Variants in RAB3B observed in about 807,000 individuals in gnomAD.
RAB3B encodes RAB3B, member RAS oncogene family.
Under a neutral mutation model 20.5 loss-of-function variants are expected in RAB3B, and 11 were observed. The ratio of observed to expected loss-of-function variants is 0.54; its 90% CI spans 0.34 to 0.89. RAB3B has a LOEUF of 0.89. Ranked by LOEUF, RAB3B falls within the 40% of genes least tolerant of loss-of-function variation. The pLI is 0.02. For synonymous variants in RAB3B, 99 were observed against 106.3 expected (o/e 0.93, Z 0.42); for missense variants, 225 against 280.9 (o/e 0.80, Z 1.42).
intron 4 of RAB3B, among the ~76,000 whole-genome samples, chr1:51,929,376 G>A (rs1269566310): frequency 6.6e-6 from 1 of 151,924 alleles, no homozygotes; most frequent in African/African-American, 2.4e-5. Flanking sequence ...CACCCAGGCT[G>A]GAGTGCAGTG....
chr1:51,929,412 C>A (rs1396977132), intron 4 of RAB3B, among the ~76,000 whole-genome samples: 4 of 152,134 alleles, frequency 2.6e-5, no homozygotes, highest in African/African-American at 9.7e-5. Flanking sequence ...ACTGTAACCT[C>A]TGCCTCTTGG....
At chr1:51,929,196 C>T (rs1412434624) in intron 4 of RAB3B, among the ~76,000 whole-genome samples, 1 of 152,164 alleles carries the variant, frequency 6.6e-6, no homozygotes, top group African/African-American at 2.4e-5. Context: ...CTGCCATCAT[C>T]CCTCTAACTC....
intron 2 of RAB3B, among the ~76,000 whole-genome samples, chr1:51,954,223 A>G (rs2795006): frequency 0.9 from 137,223 of 152,290 alleles, 62,490 homozygotes; most frequent in East Asian, 1. Context: ...GATATGGTTC[A>G]TCTTTTGTAT....
intron 2 of RAB3B, among the ~76,000 whole-genome samples, chr1:51,940,194 T>C (rs1684471769): frequency 2.0e-5 from 3 of 152,182 alleles, no homozygotes; most frequent in South Asian, 4.1e-4. Context: ...CTTAGTGTGA[T>C]AATAACATAG....
Position 51,919,976 on chromosome 1 carries a change from G to C in RAB3B, c.611C>G (p.Thr204Arg). 1 of 1,614,086 alleles carries C rather than the reference G, an allele frequency of 6.2e-7. No individual in the cohort carries two copies. The highest frequency in any genetic ancestry group is 1.1e-5 in the South Asian group (1 of 91,062). ...DPSMLGSSKN[T>R]RLSDTPPLLQ... Reference sequence around the variant, plus strand: ...CAGCGGTGGGGTGTCCGAGAGACGCGTGTTCTTGGAGGAGCCCAGCATCGA... The same window carrying C: ...CAGCGGTGGGGTGTCCGAGAGACGCCTGTTCTTGGAGGAGCCCAGCATCGA... Residue 204 changes from threonine to arginine, a missense_variant, in exon 5 of 5, where the codon ACG (threonine) becomes AGG (arginine). Transcript: ENST00000371655.
intron 2 of RAB3B, among the ~76,000 whole-genome samples, chr1:51,959,221 T>C (rs1243517897): frequency 6.6e-6 from 1 of 151,918 alleles, no homozygotes; most frequent in African/African-American, 2.4e-5. Context: ...AGTTTGCTGA[T>C]AGAAAATGGG....
chr1:51,927,849 C>T (rs1448056643), intron 4 of RAB3B, among the ~76,000 whole-genome samples: 1 of 152,098 alleles, frequency 6.6e-6, no homozygotes, highest in Non-Finnish European at 1.5e-5. Context: ...TCTCTCCTTC[C>T]TTTGTAGGCA....
In RAB3B at chr1:51,960,980, C is replaced by T. The variant is rs149897423; in HGVS notation, c.228+15910G>A. 5.9e-3 allele frequency among the ~76,000 whole-genome samples: 902 copies of T among 152,312 alleles called. 1 individual carries two copies. Among genetic ancestry groups the T allele is most frequent in the Non-Finnish European group, 9.6e-3 (651 of 68,020 alleles). On this transcript the variant is annotated intron_variant, in intron 2 of 4. Coordinates refer to ENST00000371655, the MANE Select transcript of RAB3B (RefSeq NM_002867.4). ...CCTATATGATCTCATTCAATCTTTA[C>T]TACAACACTAAGAAGTAGGCATTAA...
chr1:51,940,639 G>C (rs1407220454), intron 2 of RAB3B, among the ~76,000 whole-genome samples: 1 of 151,778 alleles, frequency 6.6e-6, no homozygotes, highest in Non-Finnish European at 1.5e-5. Context: ...AAAAAAAAGA[G>C]TCACACAAGT....
intron 2 of RAB3B, among the ~76,000 whole-genome samples, chr1:51,944,351 T>C (rs1365964428): frequency 6.6e-6 from 1 of 152,194 alleles, no homozygotes; most frequent in Non-Finnish European, 1.5e-5. Flanking sequence ...ACCCAAGATA[T>C]CTGATGGAGA....
intron 2 of RAB3B, among the ~76,000 whole-genome samples, chr1:51,950,794 C>A (rs1334915585): frequency 1.3e-5 from 2 of 152,172 alleles, no homozygotes; most frequent in Non-Finnish European, 2.9e-5. Flanking sequence ...GTAATGAGAA[C>A]TTTCAAGCTA....
chr1:51,930,814 G>A (rs190826543), intron 4 of RAB3B, among the ~76,000 whole-genome samples: 36 of 152,088 alleles, frequency 2.4e-4, no homozygotes, highest in Non-Finnish European at 3.5e-4. Context: ...TCAGGAGTTC[G>A]AGACCAGCCT....
intron 2 of RAB3B, among the ~76,000 whole-genome samples, chr1:51,941,536 G>A (rs1054621388): frequency 2.6e-5 from 4 of 152,186 alleles, no homozygotes; most frequent in Admixed American, 6.5e-5. Context: ...AGGTATTTAA[G>A]AGGTAAAATT....
At chr1:51,947,810 A>G (rs1684585405) in intron 2 of RAB3B, among the ~76,000 whole-genome samples, 1 of 152,132 alleles carries the variant, frequency 6.6e-6, no homozygotes, top group Non-Finnish European at 1.5e-5. Flanking sequence ...AAACCTTAGA[A>G]GTCATTCAAT....
chr1:51,913,240 T>C lies in RAB3B; in HGVS notation c.*6687A>G, dbSNP rs1026308834. The C allele has an allele frequency of 1.3e-5, 2 of 152,176 alleles. No homozygotes were observed. Among genetic ancestry groups the C allele is most frequent in the African/African-American group, 4.8e-5 (2 of 41,446 alleles). The allele number at this position is 152,176 out of a possible 1,614,324, so 9.4% of individuals were successfully genotyped here. On this transcript the variant is annotated 3_prime_UTR_variant, in exon 5 of 5. Coordinates refer to ENST00000371655, the MANE Select transcript of RAB3B (RefSeq NM_002867.4). ...CAAAACTTCTTCATCTCGAGTGTCTTGATTCCTCCAAAGTAAATCCTTTGG... is the reference window on the plus strand; with the variant it reads ...CAAAACTTCTTCATCTCGAGTGTCTCGATTCCTCCAAAGTAAATCCTTTGG...
chr1:51,990,395 A>C (rs1571985446), intron 1 of RAB3B, among the ~76,000 whole-genome samples, 157 bp downstream of exon 1: 4 of 112,788 alleles, frequency 3.5e-5, no homozygotes, highest in African/African-American at 6.9e-5. Context: ...GGTGAGCCCC[A>C]CCTCTGCCGC....
chr1:51,923,241 G>A (rs566116963), intron 4 of RAB3B, among the ~76,000 whole-genome samples: 2 of 152,288 alleles, frequency 1.3e-5, no homozygotes, highest in South Asian at 2.1e-4. Context: ...GATGGGCCAG[G>A]GGTCTATCCC....
At chr1:51,985,097 CACA>C (rs1399387698) in intron 1 of RAB3B, among the ~76,000 whole-genome samples, 1 of 152,226 alleles carries the variant, frequency 6.6e-6, no homozygotes, top group Non-Finnish European at 1.5e-5. Flanking sequence ...CCACCTACTT[CACA>C]GAGCTTGGTA....
chr1:51,909,875 T>C lies in RAB3B; in HGVS notation c.*10052A>G, dbSNP rs1683973038. On this transcript the variant is annotated 3_prime_UTR_variant, in exon 5 of 5. Transcript: ENST00000371655. ...ACAAAGATCCTGGATTAGATTTGCC[T>C]GCCTAGCTCTGCCTGATTGGGATTA... 2.0e-5 allele frequency: 3 copies of C among 151,628 alleles called. No individual in the cohort carries two copies. The South Asian group carries it at 6.3e-4, about 32-fold the overall frequency. 9.4% of individuals were successfully genotyped at this position (151,628 alleles called of 1,614,324 possible). A position where few individuals can be genotyped will look rare whatever the true frequency, so the allele number is the denominator to read the frequency against.
Sources: allele counts gnomAD v4.1 joint callset (sites outside exome capture counted in the v4.1 genomes callset), GRCh38; gene constraint gnomAD v4.1.1; transcripts MANE v1.5; gene names NCBI Gene and HGNC (gene_info 2026-07-23, HGNC 2026-07-21).